Variants in OPCML observed in about 807,000 individuals in gnomAD.
OPCML encodes the protein opioid binding protein/cell adhesion molecule like.
OPCML carries 13 observed loss-of-function variants against 37.8 expected under a neutral mutation model. The observed-to-expected ratio is 0.34, with a 90% CI of 0.22 to 0.55. The LOEUF (loss-of-function observed/expected upper bound fraction) is 0.55. OPCML is among the 20% of genes least tolerant of loss of function. OPCML has a pLI of 0.91. For synonymous variants in OPCML, 176 were observed against 168.8 expected, an observed-to-expected ratio of 1.04 and a Z score of -0.33; for missense variants, 341 against 435.6, an observed-to-expected ratio of 0.78 and a Z score of 1.93.
intron 1 of OPCML, among the ~76,000 whole-genome samples, chr11:133,138,637 C>T (rs1592037721): frequency 1.3e-5 from 2 of 152,248 alleles, no homozygotes; most frequent in Middle Eastern, 3.4e-3. Flanking sequence ...TCTTGGACTA[C>T]CAAATCCCAT....
chr11:133,487,843 G>C (rs1209990533), intron 1 of OPCML, among the ~76,000 whole-genome samples: 4 of 151,792 alleles, frequency 2.6e-5, no homozygotes, highest in Admixed American at 6.6e-5. Flanking sequence ...CAGAATCTCA[G>C]TGATGTTGGT....
rs190106234 is a variant in OPCML, at chr11:133,420,084, A to G, written c.61+112180T>C. The G allele has an allele frequency of 2.7e-4, 73 of 275,068 alleles. 1 individual carries two copies. The highest frequency in any genetic ancestry group is 1.5e-3 in the African/African-American group (66 of 43,584). The allele number at this position is 275,068 out of a possible 1,614,324, so 17.0% of individuals were successfully genotyped here. ...AGCTTTACCGAATTTCCAGTAAAGA[A>G]TATTGTGGATTCCTTATTTGAAAAT... On this transcript the variant is annotated intron_variant, in intron 1 of 7. Transcript: ENST00000524381.
intron 1 of OPCML, among the ~76,000 whole-genome samples, chr11:133,501,392 A>G (rs867711501): frequency 6.6e-6 from 1 of 152,208 alleles, no homozygotes; most frequent in African/African-American, 2.4e-5. Flanking sequence ...TTTCATGGTC[A>G]AAACCAATTA....
intron 4 of OPCML, among the ~76,000 whole-genome samples, chr11:132,440,219 C>A (rs2096027829): frequency 6.6e-6 from 1 of 152,190 alleles, no homozygotes; most frequent in Admixed American, 6.5e-5. Context: ...AGAAAAAGTG[C>A]ATTTCATGTA....
intron 4 of OPCML, among the ~76,000 whole-genome samples, chr11:132,494,518 T>C (rs900464839): frequency 2.0e-5 from 3 of 152,150 alleles, no homozygotes; most frequent in African/African-American, 7.2e-5. Context: ...TCTTTCCAGA[T>C]TGATGTCTAC....
chr11:133,423,686 T>C (rs1945941061), intron 1 of OPCML, among the ~76,000 whole-genome samples: 1 of 152,220 alleles, frequency 6.6e-6, no homozygotes, highest in Non-Finnish European at 1.5e-5. Context: ...TGATACAATT[T>C]GGATGTTTGT....
At chr11:133,474,689 C>T (rs1037527955) in intron 1 of OPCML, among the ~76,000 whole-genome samples, 2 of 152,128 alleles carry the variant, frequency 1.3e-5, no homozygotes, top group Non-Finnish European at 2.9e-5. Context: ...AGCATGGACC[C>T]GCAGAACCCA....
intron 1 of OPCML, among the ~76,000 whole-genome samples, chr11:133,049,806 C>A (rs1249215774): frequency 1.3e-5 from 2 of 152,212 alleles, no homozygotes; most frequent in Admixed American, 6.5e-5. Context: ...GGCTGAACGG[C>A]AGCCCCCAGA....
chr11:132,861,563 G>T (rs543890468), intron 2 of OPCML, among the ~76,000 whole-genome samples: 1 of 152,068 alleles, frequency 6.6e-6, no homozygotes, highest in Admixed American at 6.5e-5. Context: ...TTGGCTGGGC[G>T]CGGTGGCTCA....
chr11:132,724,245 G>A (rs1001224829), intron 2 of OPCML, among the ~76,000 whole-genome samples: 1 of 152,142 alleles, frequency 6.6e-6, no homozygotes, highest in Non-Finnish European at 1.5e-5. Flanking sequence ...GGAAGAGAGA[G>A]AGAAAATGCT....
At chr11:133,247,544 CTTT>C (rs1940974502) in intron 1 of OPCML, among the ~76,000 whole-genome samples, 2 of 70,442 alleles carry the variant, frequency 2.8e-5, no homozygotes, top group Non-Finnish European at 9.1e-5. Context: ...CCTTCTTTTT[CTTT>C]CTTTCTTTCT....
chr11:133,439,008 G>A (rs886935085), intron 1 of OPCML, among the ~76,000 whole-genome samples: 2 of 152,114 alleles, frequency 1.3e-5, no homozygotes, highest in Non-Finnish European at 2.9e-5. Flanking sequence ...ACTTGTTCCT[G>A]AGTTCTATTC....
At chr11:133,421,970 C>CT (rs1173810446) in intron 1 of OPCML, among the ~76,000 whole-genome samples, 2 of 151,886 alleles carry the variant, frequency 1.3e-5, no homozygotes, top group Non-Finnish European at 2.9e-5. Flanking sequence ...TCTTTCTTTT[C>CT]TTTTTTTTAA....
At chr11:133,025,283 C>T (rs542276116) in intron 1 of OPCML, 48 of 964,390 alleles carry the variant, frequency 5.0e-5, no homozygotes, top group South Asian at 1.9e-4. Context: ...TGTATCTCCA[C>T]GTACTAGGAC....
At chr11:132,674,620 G>A (rs576026523) in intron 2 of OPCML, among the ~76,000 whole-genome samples, 4 of 152,218 alleles carry the variant, frequency 2.6e-5, no homozygotes, top group African/African-American at 9.6e-5. Flanking sequence ...CTTTGAGGGT[G>A]GTGATAATGG....
chr11:133,454,200 G>C (rs1427910206), intron 1 of OPCML, among the ~76,000 whole-genome samples: 1 of 152,182 alleles, frequency 6.6e-6, no homozygotes, highest in Non-Finnish European at 1.5e-5. Flanking sequence ...CAAATTGTCT[G>C]AGAGTTCTGA....
chr11:133,378,437 C>A (rs967399775), intron 1 of OPCML, among the ~76,000 whole-genome samples: 1 of 152,254 alleles, frequency 6.6e-6, no homozygotes, highest in East Asian at 1.9e-4. Flanking sequence ...ACTTTTCTCT[C>A]ATAGCATACT....
At chr11:133,118,629 T>C (rs1268010582) in intron 1 of OPCML, among the ~76,000 whole-genome samples, 5 of 151,706 alleles carry the variant, frequency 3.3e-5, no homozygotes, top group African/African-American at 1.2e-4. Flanking sequence ...TCTTCTCACA[T>C]GGAGTGGATT....
At chr11:132,768,124 C>T (rs1946518052) in intron 2 of OPCML, among the ~76,000 whole-genome samples, 1 of 152,178 alleles carries the variant, frequency 6.6e-6, no homozygotes, top group African/African-American at 2.4e-5. Flanking sequence ...TCCATGGCTG[C>T]TTTTGAAACA....
Sources: gnomAD v4.1 joint callset for allele counts (sites outside exome capture counted in the v4.1 genomes callset) on GRCh38, gnomAD v4.1.1 for gene constraint, MANE v1.5 for transcripts, NCBI Gene and HGNC (gene_info 2026-07-23, HGNC 2026-07-21) for gene names.